The following OASL variants were observed in gnomAD, a reference collection of about 807,000 sequenced individuals.
OASL encodes the protein 2'-5'-oligoadenylate synthase-like protein.
OASL carries 28 observed loss-of-function variants against 35.3 expected under a neutral mutation model. The observed-to-expected ratio is 0.79, with a 90% confidence interval of 0.59 to 1.09. OASL has a LOEUF of 1.09. Among genes scored for constraint, OASL ranks in the 50% least tolerant of loss-of-function variants. The pLI is 0.00. For synonymous variants in OASL, 252 were observed against 254.6 expected (o/e 0.99, Z 0.10); for missense variants, 620 against 635.2 (o/e 0.98, Z 0.26).
intron 1 of OASL, among the ~76,000 whole-genome samples, chr12:121,035,538 A>AAAACCAAACG: frequency 6.8e-6 from 1 of 147,908 alleles, no homozygotes; most frequent in African/African-American, 2.5e-5. Context: ...AAAACAAAAC[A>AAAACCAAACG]ACAAAAAAAA....
At chr12:121,038,348 T>C (rs910053189) in intron 1 of OASL, among the ~76,000 whole-genome samples, 7 of 152,194 alleles carry the variant, frequency 4.6e-5, no homozygotes, top group African/African-American at 1.7e-4. Flanking sequence ...TCAACAATGA[T>C]TTCCCATATC....
chr12:121,018,343 C>T (rs1467366104), downstream of OASL, among the ~76,000 whole-genome samples: 1 of 152,078 alleles, frequency 6.6e-6, no homozygotes, highest in African/African-American at 2.4e-5. Context: ...ACCCGGATGA[C>T]GTCTCTCTCG....
At chr12:121,018,452 G>C (rs532220623), downstream of OASL, among the ~76,000 whole-genome samples, 2 of 151,966 alleles carry the variant, frequency 1.3e-5, no homozygotes, top group Non-Finnish European at 1.5e-5. Flanking sequence ...CCTTGGGACC[G>C]GGCCCAAGGA....
chr12:121,028,103 G>A (rs1869566535), intron 3 of OASL, among the ~76,000 whole-genome samples: 1 of 152,214 alleles, frequency 6.6e-6, no homozygotes, highest in African/African-American at 2.4e-5. Flanking sequence ...AAACATTCTA[G>A]CCTAAGCAGT....
At chr12:121,020,756 G>A in exon 6 of OASL, 1 of 1,614,136 alleles carries the variant, frequency 6.2e-7, no homozygotes. Context: ...TGTTGGGGTT[G>A]ATGGCATAGG....
chr12:121,024,127 G>C (rs762115868), exon 5 of OASL: 2 of 1,614,020 alleles, frequency 1.2e-6, no homozygotes, highest in African/African-American at 1.3e-5. Flanking sequence ...GCCGGATCCA[G>C]GATGATGGGC....
chr12:121,025,768 A>AAC (rs935196390), intron 4 of OASL, among the ~76,000 whole-genome samples: 4 of 151,414 alleles, frequency 2.6e-5, no homozygotes, highest in Non-Finnish European at 2.9e-5. Flanking sequence ...TTAAAAAAAA[A>AAC]AAAACAAAAC....
chr12:121,023,608 T>C, intron 5 of OASL: 1 of 171,472 alleles, frequency 5.8e-6, no homozygotes, highest in Non-Finnish European at 1.3e-5. Flanking sequence ...TGGTCATGTC[T>C]TATTTCTGTG....
Position 121,025,013 on chromosome 12 carries a change from C to G in OASL, c.900-876G>C, listed in dbSNP as rs922760636. On this transcript the variant is annotated intron_variant, in intron 4 of 5. Transcript: ENST00000257570. ...TTTTTTTTTGAGACAGAGTCTCGCT[C>G]TGTCGCCCAGGCTGAAGGGCAGTGG... Among the ~76,000 whole-genome samples, 4 of 116,060 alleles carry G rather than the reference C, an allele frequency of 3.4e-5. No homozygotes were observed. In the East Asian group the frequency reaches 8.5e-4, roughly 25 times the overall value. 76.1% of individuals were successfully genotyped at this position (116,060 alleles called of 152,430 possible). A position where few individuals can be genotyped will look rare whatever the true frequency, so the allele number is the denominator to read the frequency against.
At chr12:121,027,531 C>G in intron 4 of OASL, 45 bp downstream of exon 4, 1 of 1,609,386 alleles carries the variant, frequency 6.2e-7, no homozygotes, top group Non-Finnish European at 8.5e-7. Context: ...TAGCCCGTCT[C>G]TCTTTTTTTC....
chr12:121,038,858 C>T, exon 1 of OASL: 1 of 1,614,176 alleles, frequency 6.2e-7, no homozygotes, highest in Non-Finnish European at 8.5e-7. Context: ...CCTCCACGGT[C>T]CGCACAGCGT....
exon 6 of OASL, chr12:121,020,676 T>C: frequency 1.2e-6 from 2 of 1,614,210 alleles, no homozygotes; most frequent in East Asian, 2.2e-5. Context: ...GCCTTGGAAT[T>C]CCAGCTGCTG....
intron 2 of OASL, 60 bp from the exon 3 acceptor site, chr12:121,031,677 T>TAG: frequency 6.6e-7 from 1 of 1,507,182 alleles, no homozygotes; most frequent in Non-Finnish European, 9.2e-7. Flanking sequence ...GGGTGGTAAG[T>TAG]AGTATTTTGG....
At chr12:121,030,851 G>A (rs1311124073) in intron 3 of OASL, among the ~76,000 whole-genome samples, 1 of 152,110 alleles carries the variant, frequency 6.6e-6, no homozygotes, top group African/African-American at 2.4e-5. Flanking sequence ...ACAAGAACAT[G>A]TGGGGTGGGT....
chr12:121,020,581 C>A (rs763544538), exon 6 of OASL: 68 of 1,604,854 alleles, frequency 4.2e-5, no homozygotes, highest in Non-Finnish European at 5.5e-5. Flanking sequence ...GGAAACAGAG[C>A]CTCTCCTTTC....
intron 5 of OASL, among the ~76,000 whole-genome samples, chr12:121,021,449 C>T (rs1317714447): frequency 1.3e-5 from 2 of 152,218 alleles, no homozygotes; most frequent in Non-Finnish European, 2.9e-5. Flanking sequence ...CTGAGAGCCC[C>T]AGGTGGCTGG....
At chr12:121,031,578 T>A in exon 3 of OASL, 2 of 1,613,996 alleles carry the variant, frequency 1.2e-6, no homozygotes, top group Non-Finnish European at 1.7e-6. Context: ...CAGGCTCACA[T>A]AGACCTCAGG....
intron 3 of OASL, among the ~76,000 whole-genome samples, chr12:121,030,391 A>G (rs1358924876): frequency 1.3e-5 from 2 of 152,026 alleles, no homozygotes; most frequent in Non-Finnish European, 2.9e-5. Flanking sequence ...TTTTTAGTAG[A>G]GATGGGGTTT....
chr12:121,024,625 A>C (rs1041630866), intron 4 of OASL, among the ~76,000 whole-genome samples: 2 of 152,090 alleles, frequency 1.3e-5, no homozygotes, highest in African/African-American at 2.4e-5. Flanking sequence ...CAAAAAAAAA[A>C]AAATTCTTCT....
Sources: allele counts gnomAD v4.1 joint callset (sites outside exome capture counted in the v4.1 genomes callset), GRCh38; gene constraint gnomAD v4.1.1; transcripts MANE v1.5; gene names NCBI Gene and HGNC (gene_info 2026-07-23, HGNC 2026-07-21).